Variants in DAB1 observed in about 807,000 individuals in gnomAD.
DAB1 encodes the protein DAB adaptor protein 1, also known as disabled homolog 1.
A neutral mutation model predicts 64.6 loss-of-function variants in DAB1; 15 were observed. That is an observed-to-expected ratio of 0.23 (90% confidence interval 0.16 to 0.36). The LOEUF (loss-of-function observed/expected upper bound fraction) is 0.36. Ranked by LOEUF, DAB1 falls within the 10% of genes least tolerant of loss-of-function variation. DAB1 has a pLI of 1.00. For missense variants in DAB1, 596 were observed against 706.7 expected (o/e 0.84, Z 1.78); for synonymous variants, 235 against 251.9 (o/e 0.93, Z 0.64).
At chr1:57,198,867 G>A (rs1557920780) in intron 2 of DAB1, among the ~76,000 whole-genome samples, 1 of 152,170 alleles carries the variant, frequency 6.6e-6, no homozygotes, top group Non-Finnish European at 1.5e-5. Context: ...ATGGAAGGAA[G>A]TGTGGGGCAC....
chr1:57,059,547 C>A (rs1650169987), intron 9 of DAB1, among the ~76,000 whole-genome samples: 1 of 152,014 alleles, frequency 6.6e-6, no homozygotes, highest in Admixed American at 6.6e-5. Context: ...CAAGGATTTT[C>A]AGAGTACAGA....
intron 2 of DAB1, among the ~76,000 whole-genome samples, chr1:57,182,148 T>C (rs766284173): frequency 3.3e-5 from 5 of 152,068 alleles, no homozygotes; most frequent in African/African-American, 1.2e-4. Context: ...GCCTCCCAAA[T>C]TGTTGGGATT....
chr1:58,130,923 A>T (rs554587859), intron 5 of DAB1, among the ~76,000 whole-genome samples: 6,833 of 150,240 alleles, frequency 0.045, 79 homozygotes, highest in Non-Finnish European at 0.072. Context: ...GGTGAATCTG[A>T]CAATTATGTG....
chr1:57,467,945 T>C (rs938443465), intron 7 of DAB1, among the ~76,000 whole-genome samples: 19 of 152,194 alleles, frequency 1.2e-4, no homozygotes, highest in Admixed American at 1.2e-3. Flanking sequence ...CCACTATTTA[T>C]TGAGCTCAGA....
At chr1:57,470,285 T>G (rs1352065941) in intron 7 of DAB1, among the ~76,000 whole-genome samples, 1 of 152,200 alleles carries the variant, frequency 6.6e-6, no homozygotes, top group Non-Finnish European at 1.5e-5. Flanking sequence ...ATCTCAGGAA[T>G]GTTTTGCTTT....
chr1:57,518,569 T>G (rs566088734), intron 7 of DAB1, among the ~76,000 whole-genome samples: 1 of 152,350 alleles, frequency 6.6e-6, no homozygotes, highest in East Asian at 1.9e-4. Context: ...CTTTTTTTCA[T>G]GTGTGACTTC....
chr1:57,128,337 A>G (rs17096798), intron 4 of DAB1, among the ~76,000 whole-genome samples: 7 of 152,082 alleles, frequency 4.6e-5, no homozygotes, highest in Non-Finnish European at 5.9e-5. Flanking sequence ...TCATCTCCCA[A>G]TGCCAAAGGG....
intron 1 of DAB1, among the ~76,000 whole-genome samples, chr1:57,389,248 C>T (rs1682135639): frequency 6.6e-6 from 1 of 152,204 alleles, no homozygotes; most frequent in Non-Finnish European, 1.5e-5. Context: ...ACCTTCTACT[C>T]CAGACTGATT....
At chr1:57,213,633 A>G (rs1199240657) in intron 2 of DAB1, among the ~76,000 whole-genome samples, 7 of 152,238 alleles carry the variant, frequency 4.6e-5, no homozygotes, top group African/African-American at 1.7e-4. Context: ...CCTTAGGTGA[A>G]GAATTAAGGA....
intron 5 of DAB1, among the ~76,000 whole-genome samples, chr1:58,000,130 G>A (rs1452676846): frequency 6.6e-6 from 1 of 152,050 alleles, no homozygotes; most frequent in African/African-American, 2.4e-5. Flanking sequence ...TTGAAGAGCA[G>A]GAAACTGGAA....
chr1:57,559,062 C>A (rs1296497865), intron 7 of DAB1, among the ~76,000 whole-genome samples: 1 of 152,156 alleles, frequency 6.6e-6, no homozygotes, highest in African/African-American at 2.4e-5. Flanking sequence ...CCTGAGGTGG[C>A]AGGGGCCAAG....
intron 6 of DAB1, among the ~76,000 whole-genome samples, chr1:57,736,737 C>G (rs1647709137): frequency 6.6e-6 from 1 of 152,136 alleles, no homozygotes; most frequent in Non-Finnish European, 1.5e-5. Context: ...CTCCCTGCCT[C>G]TCCATCCTTC....
chr1:57,150,033 A>T (rs1292033423), intron 2 of DAB1, among the ~76,000 whole-genome samples: 1 of 152,176 alleles, frequency 6.6e-6, no homozygotes, highest in African/African-American at 2.4e-5. Context: ...ACTGAGAGAC[A>T]ATAGGCCTTG....
At chr1:57,426,799 C>A (rs2101106995), upstream of DAB1, among the ~76,000 whole-genome samples, 1 of 152,004 alleles carries the variant, frequency 6.6e-6, no homozygotes, top group African/African-American at 2.4e-5. Context: ...AAATTCTCAA[C>A]CCTACAATGG....
intron 5 of DAB1, among the ~76,000 whole-genome samples, chr1:58,128,199 G>C (rs180760474): frequency 6.6e-5 from 10 of 151,900 alleles, no homozygotes; most frequent in African/African-American, 2.2e-4. Flanking sequence ...GGATTCCTAG[G>C]TATTTTATTC....
chr1:57,847,905 C>G (rs375878669), intron 1 of DAB1, among the ~76,000 whole-genome samples: 2 of 152,136 alleles, frequency 1.3e-5, no homozygotes, highest in African/African-American at 4.8e-5. Flanking sequence ...TAAATATTTA[C>G]TATTGCCTCA....
chr1:57,657,919 C>G (rs1189365071), intron 6 of DAB1, among the ~76,000 whole-genome samples: 1 of 152,168 alleles, frequency 6.6e-6, no homozygotes, highest in African/African-American at 2.4e-5. Flanking sequence ...TCTTCGACCC[C>G]TAGTAGCTTT....
intron 7 of DAB1, among the ~76,000 whole-genome samples, chr1:57,535,339 A>T (rs1258299660): frequency 6.6e-6 from 1 of 152,178 alleles, no homozygotes; most frequent in Non-Finnish European, 1.5e-5. Flanking sequence ...ATATTTTTGT[A>T]GAATGAATGA....
chr1:58,372,761 C>T (rs1173928003), intron 3 of DAB1, among the ~76,000 whole-genome samples: 4 of 152,144 alleles, frequency 2.6e-5, no homozygotes, highest in African/African-American at 9.7e-5. Context: ...AGATCTGATG[C>T]TTTAAAAGTG....
Sources: gnomAD v4.1 joint callset for allele counts (sites outside exome capture counted in the v4.1 genomes callset) on GRCh38, gnomAD v4.1.1 for gene constraint, MANE v1.5 for transcripts, NCBI Gene and HGNC (gene_info 2026-07-23, HGNC 2026-07-21) for gene names.